BMPR1A: variants seen among roughly 807,000 people sequenced by gnomAD.
BMPR1A encodes bone morphogenetic protein receptor type 1A.
A neutral mutation model predicts 66.0 loss-of-function variants in BMPR1A; 7 were observed. The observed-to-expected ratio is 0.11, with a 90% CI of 0.06 to 0.20. The LOEUF (loss-of-function observed/expected upper bound fraction) is 0.20. Ranked by LOEUF, BMPR1A falls within the 10% of genes least tolerant of loss-of-function variation. The pLI is 1.00. For missense variants in BMPR1A, 408 were observed against 669.1 expected, an observed-to-expected ratio of 0.61 and a Z score of 4.31; for synonymous variants, 200 against 229.7, an observed-to-expected ratio of 0.87 and a Z score of 1.17.
At chr10:86,769,098 C>T (rs1488560825) in intron 1 of BMPR1A, among the ~76,000 whole-genome samples, 2 of 152,126 alleles carry the variant, frequency 1.3e-5, no homozygotes, top group Non-Finnish European at 2.9e-5. Context: ...TTTTAGCTTC[C>T]ATGTTAATAT....
At chr10:86,881,813 T>G (rs7895131) in intron 3 of BMPR1A, among the ~76,000 whole-genome samples, 22,946 of 152,218 alleles carry the variant, frequency 0.15, 2,718 homozygotes, top group East Asian at 0.67. Context: ...GACAACCAGC[T>G]TATTTGGATC....
intron 1 of BMPR1A, among the ~76,000 whole-genome samples, chr10:86,833,841 A>C (rs2133081530): frequency 6.6e-6 from 1 of 152,316 alleles, no homozygotes; most frequent in African/African-American, 2.4e-5. Context: ...TACTTGTGAC[A>C]AATTGTTTAA....
At chr10:86,791,239 G>C (rs543830751) in intron 1 of BMPR1A, among the ~76,000 whole-genome samples, 4 of 146,970 alleles carry the variant, frequency 2.7e-5, no homozygotes, top group South Asian at 4.3e-4. Context: ...TTGAGACAAA[G>C]TCTCGCTCTG....
intron 1 of BMPR1A, among the ~76,000 whole-genome samples, chr10:86,806,731 A>G (rs996094532): frequency 6.6e-6 from 1 of 151,174 alleles, no homozygotes; most frequent in African/African-American, 2.4e-5. Flanking sequence ...TTTTTTTTTT[A>G]AAGTATAAAT....
chr10:86,842,549 C>CT (rs1351850063), intron 2 of BMPR1A, among the ~76,000 whole-genome samples: 3 of 152,148 alleles, frequency 2.0e-5, no homozygotes, highest in East Asian at 3.9e-4. Context: ...GGAGTCTAGA[C>CT]TTTATTTTGT....
chr10:86,847,277 T>C (rs1481781158), intron 2 of BMPR1A, among the ~76,000 whole-genome samples: 1 of 152,152 alleles, frequency 6.6e-6, no homozygotes, highest in Admixed American at 6.5e-5. Flanking sequence ...ATTCTCTTAC[T>C]ACACTTCAAT....
downstream of BMPR1A, chr10:86,929,699 T>C (rs979095276): frequency 2.6e-5 from 4 of 152,246 alleles, no homozygotes; most frequent in African/African-American, 9.6e-5. Context: ...TTCTGGGAAC[T>C]GCAAATGCTT....
chr10:86,893,499 C>T (rs950264387), intron 5 of BMPR1A, among the ~76,000 whole-genome samples: 1 of 152,180 alleles, frequency 6.6e-6, no homozygotes, highest in African/African-American at 2.4e-5. Context: ...TGGAAATTCT[C>T]AGGATGGAGG....
chr10:86,871,871 T>C (rs10749542), intron 2 of BMPR1A, among the ~76,000 whole-genome samples: 1 of 151,830 alleles, frequency 6.6e-6, no homozygotes, highest in African/African-American at 2.4e-5. Context: ...ACAAAGATGC[T>C]CTCAAACTTT....
In BMPR1A at chr10:86,890,241, G is replaced by A. The variant is rs1843128991; in HGVS notation, c.230+17G>A. 1 of 1,612,468 alleles carries A rather than the reference G, an allele frequency of 6.2e-7. No homozygotes were observed. Among genetic ancestry groups the A allele is most frequent in the Non-Finnish European group, 8.5e-7 (1 of 1,178,598 alleles). ...CACATGCATGTAAGTATTTTATGCA[G>A]CCCTTCTTAAGAGTTAGGAGAATAG... On this transcript the variant is annotated intron_variant, in intron 4 of 12. Coordinates refer to ENST00000372037, the MANE Select transcript of BMPR1A (RefSeq NM_004329.3).
At chr10:86,930,927 A>G (rs898945962), downstream of BMPR1A, 1 of 152,112 alleles carries the variant, frequency 6.6e-6, no homozygotes, top group Non-Finnish European at 1.5e-5. Flanking sequence ...AGGAAGCTCA[A>G]AGTGAAAATC....
At chr10:86,820,372 CTT>C (rs373624964) in intron 1 of BMPR1A, among the ~76,000 whole-genome samples, 3 of 142,580 alleles carry the variant, frequency 2.1e-5, no homozygotes, top group Admixed American at 1.4e-4. Flanking sequence ...AAGATGACAT[CTT>C]TTTTTTTTTT....
At chr10:86,845,941 G>A (rs1388260775) in intron 2 of BMPR1A, among the ~76,000 whole-genome samples, 1 of 151,724 alleles carries the variant, frequency 6.6e-6, no homozygotes, top group African/African-American at 2.4e-5. Flanking sequence ...AGCTTGCAGT[G>A]AGCCAAGATC....
At chr10:86,928,706 G>A (rs1333262665), downstream of BMPR1A, 1 of 151,906 alleles carries the variant, frequency 6.6e-6, no homozygotes, top group Non-Finnish European at 1.5e-5. Flanking sequence ...TCAGGGTGGA[G>A]TGCAGTAGCG....
intron 1 of BMPR1A, among the ~76,000 whole-genome samples, chr10:86,803,085 A>C (rs558988537): frequency 2.2e-4 from 34 of 151,966 alleles, no homozygotes; most frequent in African/African-American, 8.0e-4. Flanking sequence ...TCAGTTGTCA[A>C]ATCAAAGTGA....
chr10:86,772,127 T>C (rs968084689), intron 1 of BMPR1A, among the ~76,000 whole-genome samples: 4 of 28,328 alleles, frequency 1.4e-4, no homozygotes, highest in African/African-American at 7.7e-4. Flanking sequence ...CAGAGATAGG[T>C]TTTTTTTTTT....
In BMPR1A at chr10:86,856,130, T is replaced by C; in HGVS notation, c.-153+17151T>C. On this transcript the variant is annotated intron_variant, in intron 2 of 12. Coordinates refer to ENST00000372037, the MANE Select transcript of BMPR1A (RefSeq NM_004329.3). ...TCATAGACTTTATTGGTTTTGAAAT[T>C]TTATATTTAATTCCCAGCTTCTTGT... 2 of 520,324 alleles carry C rather than the reference T, an allele frequency of 3.8e-6. 1 individual carries two copies. The highest frequency in any genetic ancestry group is 3.0e-5 in the South Asian group (2 of 67,772). 32.2% of individuals were successfully genotyped at this position (520,324 alleles called of 1,614,324 possible). A position where few individuals can be genotyped will look rare whatever the true frequency, so the allele number is the denominator to read the frequency against.
At chr10:86,862,450 AGTTGGAGCACC>A (rs1428779708) in intron 2 of BMPR1A, among the ~76,000 whole-genome samples, 6 of 152,094 alleles carry the variant, frequency 3.9e-5, no homozygotes, top group African/African-American at 1.2e-4. Context: ...TGTCTGAGTG[AGTTGGAGCACC>A]GTTGGAGGGA....
At chr10:86,840,401 T>G (rs1167631835) in intron 2 of BMPR1A, among the ~76,000 whole-genome samples, 2 of 152,168 alleles carry the variant, frequency 1.3e-5, no homozygotes, top group Non-Finnish European at 2.9e-5. Context: ...TCTCAGTTCT[T>G]TTGGTTTCTA....
Sources: gnomAD v4.1 joint callset for allele counts (sites outside exome capture counted in the v4.1 genomes callset) on GRCh38, gnomAD v4.1.1 for gene constraint, MANE v1.5 for transcripts, NCBI Gene and HGNC (gene_info 2026-07-23, HGNC 2026-07-21) for gene names.